Variants in TNN observed in about 807,000 individuals in gnomAD.
The protein encoded by TNN is tenascin-N.
A neutral mutation model predicts 134.4 loss-of-function variants in TNN; 122 were observed. The observed-to-expected ratio is 0.91, with a 90% CI of 0.78 to 1.06. The LOEUF is 1.06. TNN is among the 50% of genes least tolerant of loss of function. The pLI, the probability that TNN is intolerant of heterozygous loss-of-function variation, is 0.00. For synonymous variants in TNN, 710 were observed against 670.3 expected (o/e 1.06, Z -0.91); for missense variants, 1,739 against 1,699.4 (o/e 1.02, Z -0.41).
chr1:175,144,381 CT>C lies in TNN; in HGVS notation c.3596-5del, dbSNP rs1558377993. 5 of 1,613,572 alleles carry C rather than the reference CT, an allele frequency of 3.1e-6. No homozygotes were observed. The highest frequency in any genetic ancestry group is 4.2e-6 in the Non-Finnish European group (5 of 1,179,674). On this transcript the variant is annotated splice_region_variant and splice_polypyrimidine_tract_variant and intron_variant, in intron 17 of 18. Transcript: ENST00000239462. ...GGCTCTCGCCTCCGTCTCTTCTCTC[CT>C]GCAGGGGATGCTCTTACTTACCACA...
chr1:175,094,597 G>C (rs1427963182), intron 7 of TNN, among the ~76,000 whole-genome samples: 3 of 152,174 alleles, frequency 2.0e-5, no homozygotes, highest in Admixed American at 2.0e-4. Context: ...ATCTCAGTTT[G>C]CAGTGGCTGT....
intron 6 of TNN, 143 bp downstream of exon 6, chr1:175,085,637 G>T (rs1052645277): frequency 2.5e-5 from 16 of 643,118 alleles, no homozygotes; most frequent in Non-Finnish European, 4.3e-5. Context: ...CACTTTGGGA[G>T]GCCAAGGCAG....
chr1:175,079,519 A>G lies in TNN; in HGVS notation c.596A>G (p.Tyr199Cys). The G allele has an allele frequency of 3.2e-6, 5 of 1,562,596 alleles. No homozygotes were observed. The highest frequency in any genetic ancestry group is 4.3e-6 in the Non-Finnish European group (5 of 1,154,742). ...CCCTACGTGGGTGCCGACTGCGGCT[A>G]CCCGGCCTGCCCTGAGAACTGCAGC... is the stretch of plus-strand genomic sequence containing the variant. The part of the protein sequence containing the change: ...HEPYVGADCG[Y>C]PACPENCSGH... Residue 199 changes from tyrosine (Y) to cysteine (C), a missense_variant, in exon 3 of 19, where the codon TAC (tyrosine) becomes TGC (cysteine). Transcript: ENST00000239462.
In TNN at chr1:175,079,388, C is replaced by A; in HGVS notation, c.465C>A (p.Cys155Ter). ...CCTTCTCCCTGGAGACCTGCAGCTG[C>A]CACTGCGAAGAGGGCAGGGAGGGCC... ...HGTFSLETCSCHCEEGREGPA... is the reference protein window; with the variant it reads ...HGTFSLETCS Residue 155 changes from cysteine to a stop codon, truncating the protein, a stop_gained, in exon 3 of 19, where the codon TGC becomes TGA. Transcript: ENST00000239462. LOFTEE classifies it high-confidence loss of function. 6.2e-7 allele frequency: 1 copy of A among 1,600,052 alleles called. No individual in the cohort carries two copies. The highest frequency in any genetic ancestry group is 1.7e-5 in the Admixed American group (1 of 59,320).
intron 15 of TNN, among the ~76,000 whole-genome samples, chr1:175,130,587 T>A (rs1675652479): frequency 6.6e-6 from 1 of 150,468 alleles, no homozygotes; most frequent in East Asian, 2.0e-4. Context: ...TAGTGTGGCC[T>A]TTTTGTAAGC....
intron 9 of TNN, among the ~76,000 whole-genome samples, chr1:175,107,427 T>C (rs897083824): frequency 1.9e-4 from 27 of 144,470 alleles, no homozygotes; most frequent in African/African-American, 6.7e-4. Flanking sequence ...CTGCAGACCT[T>C]CGTGGTGAGT....
In TNN at chr1:175,098,596, G is replaced by T. The variant is rs1048134498; in HGVS notation, c.2119+1G>T. ...AAGGCCGACACCAAGGCCCAGACAG[G>T]TAAGGAGTGTGCATTATTGCTGTGC... On this transcript the variant is annotated splice_donor_variant, in intron 9 of 18. Transcript: ENST00000239462. LOFTEE classifies it high-confidence loss of function. The T allele has an allele frequency of 1.2e-6, 2 of 1,613,908 alleles. No individual in the cohort carries two copies. Among genetic ancestry groups the T allele is most frequent in the African/African-American group, 2.7e-5 (2 of 74,914 alleles).
At chr1:175,134,733 A>C (rs897148775) in intron 15 of TNN, among the ~76,000 whole-genome samples, 1 of 151,874 alleles carries the variant, frequency 6.6e-6, no homozygotes, top group Non-Finnish European at 1.5e-5. Context: ...ACCTCTGTCA[A>C]CTTTACCTTC....
chr1:175,082,231 C>G (rs558795640), intron 4 of TNN, among the ~76,000 whole-genome samples: 14 of 152,198 alleles, frequency 9.2e-5, no homozygotes, highest in Non-Finnish European at 1.8e-4. Flanking sequence ...ACAGAGATGC[C>G]TATTCTGAAA....
At position 175,107,073 on chromosome 1, in the gene TNN, C is replaced by T. The variant is rs768353023; in HGVS notation, c.2119+8478C>T. Among the ~76,000 whole-genome samples the T allele has an allele frequency of 2.3e-4, 33 of 146,284 alleles. 5 individuals carry two copies. The highest frequency in any genetic ancestry group is 1.5e-3 in the Admixed American group (22 of 14,544). ...GCTCGGCTATTGTCTCACCGCTTGG[C>T]GATATGCGAAAGTCCCTTCGTGGTC... On this transcript the variant is annotated intron_variant, in intron 9 of 18. Coordinates refer to ENST00000239462, the MANE Select transcript of TNN (RefSeq NM_022093.2).
intron 17 of TNN, among the ~76,000 whole-genome samples, chr1:175,142,699 C>T (rs570721973): frequency 4.0e-4 from 61 of 152,054 alleles, no homozygotes; most frequent in African/African-American, 1.2e-3. Flanking sequence ...CTCACTGCAA[C>T]CTCCACCTCC....
At chr1:175,086,729 T>C (rs1674331723) in intron 6 of TNN, among the ~76,000 whole-genome samples, 1 of 152,234 alleles carries the variant, frequency 6.6e-6, no homozygotes, top group Non-Finnish European at 1.5e-5. Context: ...TGGGCATTTA[T>C]AATGGAGAAC....
intron 9 of TNN, among the ~76,000 whole-genome samples, chr1:175,103,346 T>C (rs1289289957): frequency 6.8e-6 from 1 of 146,342 alleles, no homozygotes; most frequent in Non-Finnish European, 1.5e-5. Context: ...TAAGAAGGTG[T>C]AGTGTCCTCC....
At chr1:175,118,417 T>C (rs964588750) in intron 10 of TNN, 144 bp from the exon 11 acceptor site, 6 of 1,018,124 alleles carry the variant, frequency 5.9e-6, no homozygotes, top group Non-Finnish European at 8.6e-6. Flanking sequence ...ATGATGTCCA[T>C]GAAACAGCTA....
intron 15 of TNN, 150 bp from the exon 16 acceptor site, chr1:175,135,695 C>T (rs1476294110): frequency 1.1e-5 from 7 of 621,510 alleles, no homozygotes; most frequent in Admixed American, 5.3e-5. Flanking sequence ...TATAGTGAAT[C>T]TACTGACATA....
chr1:175,117,319 G>A, intron 10 of TNN, 114 bp downstream of exon 10: 3 of 1,545,280 alleles, frequency 1.9e-6, no homozygotes, highest in Non-Finnish European at 2.6e-6. Flanking sequence ...GGAAGAGTGG[G>A]ATGGCATCCC....
Position 175,077,687 on chromosome 1 carries a change from T to C in TNN, c.269T>C (p.Ile90Thr). The change falls in exon 2 of 19, where the codon ATC (isoleucine) becomes ACC (threonine). Residue 90 changes from isoleucine to threonine, a missense_variant. Coordinates refer to ENST00000239462, the MANE Select transcript of TNN (RefSeq NM_022093.2). The stretch of plus-strand genomic sequence containing the variant: ...CAGAACATCATCTTCAGGCACAACA[T>C]CCGCCTTCAGACGCCACAGAAGGAC... ...EEQNIIFRHN[I>T]RLQTPQKDCE... The C allele has an allele frequency of 2.5e-6, 4 of 1,614,124 alleles. No individual in the cohort carries two copies. In the South Asian group the frequency reaches 4.4e-5, roughly 18 times the overall value.
At chr1:175,083,725 C>G (rs921319016) in intron 4 of TNN, 25 bp from the exon 5 acceptor site, 5 of 1,607,806 alleles carry the variant, frequency 3.1e-6, no homozygotes, top group African/African-American at 2.7e-5. Flanking sequence ...ACCACTTTCT[C>G]TTGCCTCCGT....
chr1:175,132,737 C>G (rs1675706191), intron 15 of TNN, among the ~76,000 whole-genome samples: 1 of 152,206 alleles, frequency 6.6e-6, no homozygotes, highest in Non-Finnish European at 1.5e-5. Context: ...ATCCCCTGCC[C>G]AGGAAGTGGC....
Sources: gnomAD v4.1 joint callset for allele counts (sites outside exome capture counted in the v4.1 genomes callset) on GRCh38, gnomAD v4.1.1 for gene constraint, MANE v1.5 for transcripts, NCBI Gene and HGNC (gene_info 2026-07-23, HGNC 2026-07-21) for gene names.